The following DISC1 variants were observed in gnomAD, a reference collection of about 807,000 sequenced individuals.
DISC1 encodes the protein disrupted in schizophrenia 1 protein.
In DISC1, 57 loss-of-function variants were observed where a neutral mutation model predicts 84.5. That is an observed-to-expected ratio of 0.67 (90% CI 0.55 to 0.84). The LOEUF (loss-of-function observed/expected upper bound fraction) is 0.84. DISC1 is among the 40% of genes least tolerant of loss of function. The pLI is 0.00. For missense variants in DISC1, 1,000 were observed against 1,057.8 expected (o/e 0.95, Z 0.76); for synonymous variants, 411 against 415.2 (o/e 0.99, Z 0.12).
At chr1:231,640,982 T>G (rs192853479) in intron 1 of DISC1, among the ~76,000 whole-genome samples, 267 of 152,362 alleles carry the variant, frequency 1.8e-3, no homozygotes, top group Non-Finnish European at 2.9e-3. Flanking sequence ...GGACAAATGA[T>G]AACCTACCCT....
intron 1 of DISC1, among the ~76,000 whole-genome samples, chr1:231,649,339 T>A (rs977506335): frequency 2.6e-5 from 4 of 152,230 alleles, no homozygotes; most frequent in Admixed American, 6.5e-5. Flanking sequence ...AGGAGCAGGT[T>A]GTTCAGTTTC....
At chr1:231,760,887 G>T (rs1046212653) in intron 4 of DISC1, among the ~76,000 whole-genome samples, 1 of 152,162 alleles carries the variant, frequency 6.6e-6, no homozygotes, top group East Asian at 1.9e-4. Context: ...CATCACAGGC[G>T]TGCACCCCTT....
rs1372965431 is a variant in DISC1, at chr1:232,024,304, C to T, written c.2308-2131C>T. 2.0e-5 allele frequency among the ~76,000 whole-genome samples: 3 copies of T among 152,078 alleles called. No homozygotes were observed. The East Asian group carries it at 5.8e-4, about 29-fold the overall frequency. On this transcript the variant is annotated intron_variant, in intron 11 of 12. Coordinates refer to ENST00000439617, the MANE Select transcript of DISC1 (RefSeq NM_018662.3). ...CATTCTTCAGTATACTAGACTTCTC[C>T]AATATTTACAAGTTATTTGCAGTTC...
Position 232,021,676 on chromosome 1 carries a change from G to C in DISC1, c.2308-4759G>C, listed in dbSNP as rs138211492. 8.4e-3 allele frequency among the ~76,000 whole-genome samples: 1,273 copies of C among 152,296 alleles called. 15 individuals are homozygous for C. Among genetic ancestry groups the C allele is most frequent in the Non-Finnish European group, 0.014 (921 of 68,030 alleles). ...ATCCACTCATGCGAGGTTCTGTGTA[G>C]GGACAACCCATGTAAGGCCCCTGTT... On this transcript the variant is annotated intron_variant, in intron 11 of 12. Coordinates refer to ENST00000439617, the MANE Select transcript of DISC1 (RefSeq NM_018662.3).
At chr1:231,868,794 C>T (rs1269242811) in intron 9 of DISC1, among the ~76,000 whole-genome samples, 3 of 146,204 alleles carry the variant, frequency 2.1e-5, no homozygotes, top group Admixed American at 6.9e-5. Context: ...CTAAGGCAGG[C>T]GGATTGCTCA....
At chr1:231,975,008 G>T (rs993251479) in intron 10 of DISC1, among the ~76,000 whole-genome samples, 3 of 152,132 alleles carry the variant, frequency 2.0e-5, no homozygotes, top group Non-Finnish European at 4.4e-5. Flanking sequence ...GCTGAGACAG[G>T]AGGATTGCTT....
chr1:231,648,274 T>C (rs1201220384), intron 1 of DISC1, among the ~76,000 whole-genome samples: 3 of 152,376 alleles, frequency 2.0e-5, no homozygotes, highest in Admixed American at 1.3e-4. Flanking sequence ...TGAAGTGCTG[T>C]TGAATTTTGT....
At position 231,770,969 on chromosome 1, in the gene DISC1, G is replaced by A. The variant is rs145261336; in HGVS notation, c.1533G>A (p.Leu511=). ...GCDLTPLVGQ[L]SLGQLQEVSK... ...ACCTGACCCCACTGGTGGGCCAGCT[G>A]TCCCTGGGTCAGCTGCAGGAGGTCA... Residue 511 remains leucine, a synonymous_variant, in exon 6 of 13, where the codon CTG becomes CTA. Coordinates refer to ENST00000439617, the MANE Select transcript of DISC1 (RefSeq NM_018662.3). The A allele has an allele frequency of 9.3e-6, 15 of 1,613,740 alleles. No individual in the cohort carries two copies. The highest frequency in any genetic ancestry group is 1.2e-5 in the Non-Finnish European group (14 of 1,179,926).
At chr1:231,759,313 C>T (rs565061243) in intron 4 of DISC1, among the ~76,000 whole-genome samples, 15 of 152,220 alleles carry the variant, frequency 9.9e-5, no homozygotes, top group Middle Eastern at 3.4e-3. Flanking sequence ...AATCAAGATA[C>T]ACTGTATGAG....
At chr1:232,024,672 A>C (rs1366512723) in intron 11 of DISC1, among the ~76,000 whole-genome samples, 9 of 151,856 alleles carry the variant, frequency 5.9e-5, no homozygotes, top group Non-Finnish European at 1.2e-4. Context: ...AGATCACTGC[A>C]ATCTCCGCCT....
At chr1:231,803,932 G>A (rs2079494309) in intron 8 of DISC1, among the ~76,000 whole-genome samples, 1 of 106,202 alleles carries the variant, frequency 9.4e-6, no homozygotes, top group Non-Finnish European at 1.7e-5. Flanking sequence ...GGGTGACAGA[G>A]CAAGACTCCG....
At chr1:232,005,041 C>CGT (rs1667234761) in intron 10 of DISC1, among the ~76,000 whole-genome samples, 1 of 127,398 alleles carries the variant, frequency 7.8e-6, no homozygotes, top group African/African-American at 3.1e-5. Flanking sequence ...TCCCTCCCTC[C>CGT]ATCCTTCCTT....
chr1:231,771,101 C>A (rs16854940), intron 6 of DISC1, 31 bp downstream of exon 6: 1 of 1,542,466 alleles, frequency 6.5e-7, no homozygotes, highest in Non-Finnish European at 8.8e-7. Flanking sequence ...GATTTTGGGT[C>A]GCTCGCCTCT....
rs59813729 is a variant in DISC1, at chr1:231,831,849, T to TG, written c.1981+13341dup. ...ACTAGTTCGGCTTTCTGAGAGGTAG[T>TG]GGGGGGGGGTGGGCAGAGTGGTAGC... On this transcript the variant is annotated intron_variant, in intron 9 of 12. Transcript: ENST00000439617. Among the ~76,000 whole-genome samples, 493 of 142,076 alleles carry TG rather than the reference T, an allele frequency of 3.5e-3. 3 individuals are homozygous for TG. Among genetic ancestry groups the TG allele is most frequent in the African/African-American group, 9.4e-3 (366 of 38,806 alleles). The allele number at this position is 142,076 out of a possible 152,430, so 93.2% of individuals were successfully genotyped here. A position where few individuals can be genotyped will look rare whatever the true frequency, so the allele number is the denominator to read the frequency against.
chr1:231,910,177 A>C (rs1193411022), intron 9 of DISC1, among the ~76,000 whole-genome samples: 1 of 151,750 alleles, frequency 6.6e-6, no homozygotes. Flanking sequence ...TATCTCCTTC[A>C]GTTCTTCTCT....
rs146439119 is a variant in DISC1 at position 231,694,426 on chromosome 1, G to A, written c.668G>A (p.Arg223His). 3.6e-5 allele frequency: 58 copies of A among 1,614,138 alleles called. No individual in the cohort carries two copies. The highest frequency in any genetic ancestry group is 5.3e-5 in the African/African-American group (4 of 74,950). Residue 223 changes from arginine (R) to histidine (H), a missense_variant, in exon 2 of 13, where the codon CGT becomes CAT. Physicochemically the swap from Arg to His is conservative, Grantham distance 29. Transcript: ENST00000439617. ...CTCTCGCTTGGCTCTGCCGGGGAAC[G>A]TGGAGAAGCAGAAGGCTGCCCACCA... Reference protein sequence around the residue: ...IRLSLGSAGERGEAEGCPPSR... With the variant: ...IRLSLGSAGEHGEAEGCPPSR...
At position 231,639,494 on chromosome 1, in the gene DISC1, A is replaced by G. The variant is rs116464407; in HGVS notation, c.67+12560A>G. On this transcript the variant is annotated intron_variant, in intron 1 of 12. Coordinates refer to ENST00000439617, the MANE Select transcript of DISC1 (RefSeq NM_018662.3). Reference sequence around the variant, plus strand: ...TCTTCTCCTAGAAGCACGGAGGTACATTCCAAAGGCAAACTCACTTAAATT... The same window carrying G: ...TCTTCTCCTAGAAGCACGGAGGTACGTTCCAAAGGCAAACTCACTTAAATT... Among the ~76,000 whole-genome samples the G allele has an allele frequency of 2.5e-3, 377 of 152,348 alleles. 6 individuals are homozygous for G. Among genetic ancestry groups the G allele is most frequent in the African/African-American group, 8.6e-3 (358 of 41,580 alleles).
intron 8 of DISC1, among the ~76,000 whole-genome samples, chr1:231,808,148 T>G (rs570075709): frequency 1.8e-4 from 28 of 152,366 alleles, no homozygotes; most frequent in African/African-American, 6.3e-4. Flanking sequence ...TTAAAAATAC[T>G]GGTACCCAGG....
At chr1:231,755,717 A>G (rs2075046213) in intron 4 of DISC1, among the ~76,000 whole-genome samples, 1 of 152,064 alleles carries the variant, frequency 6.6e-6, no homozygotes, top group African/African-American at 2.4e-5. Context: ...CCAGTTACCC[A>G]AGCAAGGACT....
Sources: allele counts gnomAD v4.1 joint callset (sites outside exome capture counted in the v4.1 genomes callset), GRCh38; gene constraint gnomAD v4.1.1; transcripts MANE v1.5; gene names NCBI Gene and HGNC (gene_info 2026-07-23, HGNC 2026-07-21).